The following CGNL1 variants were observed in gnomAD, a reference collection of about 807,000 sequenced individuals.
CGNL1 encodes the protein cingulin like 1.
CGNL1 carries 132 observed loss-of-function variants against 141.2 expected under a neutral mutation model. The ratio of observed to expected loss-of-function variants is 0.93; its 90% CI spans 0.81 to 1.08. The LOEUF (loss-of-function observed/expected upper bound fraction) is 1.08, where lower values mean the gene tolerates loss of function less well. Among genes scored for constraint, CGNL1 ranks in the 50% least tolerant of loss-of-function variants. CGNL1 has a pLI of 0.00. For missense variants in CGNL1, 1,870 were observed against 1,588.6 expected, an observed-to-expected ratio of 1.18 and a Z score of -3.01; for synonymous variants, 690 against 622.1, an observed-to-expected ratio of 1.11 and a Z score of -1.63.
At chr15:57,536,508 T>C (rs1313228574) in intron 14 of CGNL1, among the ~76,000 whole-genome samples, 2 of 152,208 alleles carry the variant, frequency 1.3e-5, no homozygotes, top group African/African-American at 4.8e-5. Flanking sequence ...TAAAATGATA[T>C]CTTCTTTATG....
Position 57,546,049 on chromosome 15 carries a change from CTCAGCCCACAT to C in CGNL1, c.3610-24_3610-14del. 6.3e-6 allele frequency: 10 copies of C among 1,599,966 alleles called. No homozygotes were observed. The highest frequency in any genetic ancestry group is 8.5e-6 in the Non-Finnish European group (10 of 1,172,508). On this transcript the variant is annotated splice_polypyrimidine_tract_variant and intron_variant, in intron 17 of 18. Coordinates refer to ENST00000281282, the MANE Select transcript of CGNL1 (RefSeq NM_032866.5). Reference sequence around the variant, plus strand: ...GCTGGGGCTGGGCCATCAGCCGGCACTCAGCCCACATTCTCTCCCGGTGCAGCTGAGCTTGC... The same window carrying C: ...GCTGGGGCTGGGCCATCAGCCGGCACTCTCTCCCGGTGCAGCTGAGCTTGC...
chr15:57,489,423 TGGTAGG>T (rs1227443139), intron 8 of CGNL1, among the ~76,000 whole-genome samples: 1 of 152,246 alleles, frequency 6.6e-6, no homozygotes, highest in Non-Finnish European at 1.5e-5. Context: ...TAAATTTGAA[TGGTAGG>T]GGTAAAGAAA....
At chr15:57,515,453 A>C (rs1339981176) in intron 8 of CGNL1, among the ~76,000 whole-genome samples, 1 of 152,206 alleles carries the variant, frequency 6.6e-6, no homozygotes, top group Non-Finnish European at 1.5e-5. Context: ...CTTCTCCCAC[A>C]TGGTCGGTGA....
At chr15:57,426,174 T>G (rs1437419139) in intron 1 of CGNL1, among the ~76,000 whole-genome samples, 1 of 152,092 alleles carries the variant, frequency 6.6e-6, no homozygotes, top group East Asian at 1.9e-4. Context: ...AGACAGGGTC[T>G]TGCTCTGTCA....
At chr15:57,451,415 G>A in intron 4 of CGNL1, 85 bp from the exon 5 acceptor site, 1 of 958,334 alleles carries the variant, frequency 1.0e-6, no homozygotes, top group Non-Finnish European at 1.6e-6. Context: ...ATCTGTTACT[G>A]CACTGATTAT....
chr15:57,493,633 TTAG>T (rs2063897426), intron 8 of CGNL1, among the ~76,000 whole-genome samples: 1 of 152,150 alleles, frequency 6.6e-6, no homozygotes, highest in Non-Finnish European at 1.5e-5. Flanking sequence ...GACGCATGAG[TTAG>T]TAGGACTTCT....
intron 3 of CGNL1, among the ~76,000 whole-genome samples, chr15:57,441,309 G>A (rs2063184199): frequency 6.6e-6 from 1 of 152,078 alleles, no homozygotes; most frequent in East Asian, 1.9e-4. Context: ...GTATCTCCCT[G>A]TGGAAGACTT....
At chr15:57,497,767 C>T (rs2063961700) in intron 8 of CGNL1, among the ~76,000 whole-genome samples, 1 of 152,220 alleles carries the variant, frequency 6.6e-6, no homozygotes, top group Non-Finnish European at 1.5e-5. Context: ...GTATGCTGTG[C>T]AGCAGAGATG....
intron 10 of CGNL1, among the ~76,000 whole-genome samples, chr15:57,519,313 G>A (rs2031078044): frequency 6.6e-6 from 1 of 152,204 alleles, no homozygotes; most frequent in East Asian, 1.9e-4. Flanking sequence ...TTTCCATTCC[G>A]GACCCACTTG....
intron 8 of CGNL1, among the ~76,000 whole-genome samples, chr15:57,471,813 A>G (rs1468781282): frequency 1.3e-5 from 2 of 152,248 alleles, no homozygotes; most frequent in Middle Eastern, 3.2e-3. Context: ...CATCCAATAA[A>G]TAGTTCATTT....
chr15:57,498,473 G>A (rs1463834308), intron 8 of CGNL1, among the ~76,000 whole-genome samples: 3 of 152,022 alleles, frequency 2.0e-5, no homozygotes, highest in Non-Finnish European at 4.4e-5. Flanking sequence ...CCAAAGTGCT[G>A]GGATTACAGG....
chr15:57,455,647 A>G (rs1274392750), intron 7 of CGNL1, among the ~76,000 whole-genome samples: 2 of 152,206 alleles, frequency 1.3e-5, no homozygotes, highest in East Asian at 3.8e-4. Context: ...TGAATAAATA[A>G]TTTTTCGTAT....
intron 1 of CGNL1, chr15:57,406,993 A>G (rs1366477795): frequency 6.6e-6 from 1 of 152,246 alleles, no homozygotes; most frequent in Non-Finnish European, 1.5e-5. Flanking sequence ...ATGTTGGGCC[A>G]TCTGTCCTTT....
At chr15:57,436,227 A>C (rs771197913) in intron 1 of CGNL1, among the ~76,000 whole-genome samples, 3 of 152,308 alleles carry the variant, frequency 2.0e-5, no homozygotes, top group Non-Finnish European at 4.4e-5. Context: ...GACCAGCTTA[A>C]GTACCCTATT....
At chr15:57,446,498 G>A (rs1412552492) in intron 4 of CGNL1, among the ~76,000 whole-genome samples, 1 of 151,820 alleles carries the variant, frequency 6.6e-6, no homozygotes, top group Non-Finnish European at 1.5e-5. Flanking sequence ...CGTGTGTCCG[G>A]CTTCATTTCC....
intron 1 of CGNL1, among the ~76,000 whole-genome samples, chr15:57,428,034 T>C (rs1403718234): frequency 1.3e-5 from 2 of 152,210 alleles, no homozygotes; most frequent in African/African-American, 4.8e-5. Flanking sequence ...CTGTGTACAT[T>C]GAGCATGCTT....
At chr15:57,410,755 A>G (rs1664439) in intron 1 of CGNL1, among the ~76,000 whole-genome samples, 115,895 of 152,194 alleles carry the variant, frequency 0.76, 44,269 homozygotes, top group African/African-American at 0.8. Context: ...CATGCTTATG[A>G]GGAGTGCCCT....
In CGNL1 at chr15:57,399,052, A is replaced by G. The variant is rs150433558; in HGVS notation, c.-16+22485A>G. ...TACATGTATACAATGTGTGATGAAC[A>G]TTAATAGAGGATTGGCTAAATTATG... is the stretch of plus-strand genomic sequence containing the variant. On this transcript the variant is annotated intron_variant, in intron 1 of 18. Transcript: ENST00000281282. 1.2e-3 allele frequency among the ~76,000 whole-genome samples: 184 copies of G among 152,370 alleles called. 2 individuals carry two copies. The highest frequency in any genetic ancestry group is 4.3e-3 in the African/African-American group (179 of 41,592).
chr15:57,483,388 G>T (rs1455163299), intron 8 of CGNL1, among the ~76,000 whole-genome samples: 1 of 149,484 alleles, frequency 6.7e-6, no homozygotes, highest in Admixed American at 6.6e-5. Context: ...AAATGCAGTT[G>T]TATGTTTTTA....
Sources: allele counts gnomAD v4.1 joint callset (sites outside exome capture counted in the v4.1 genomes callset), GRCh38; gene constraint gnomAD v4.1.1; transcripts MANE v1.5; gene names NCBI Gene and HGNC (gene_info 2026-07-23, HGNC 2026-07-21).